GRIA4: variants seen among roughly 807,000 people sequenced by gnomAD.
The protein encoded by GRIA4 is glutamate receptor 4.
A neutral mutation model predicts 104.0 loss-of-function variants in GRIA4; 34 were observed. The observed-to-expected ratio is 0.33, with a 90% CI of 0.25 to 0.44. The LOEUF (loss-of-function observed/expected upper bound fraction) is 0.44. GRIA4 is among the 20% of genes least tolerant of loss of function. The pLI, the probability that GRIA4 is intolerant of heterozygous loss-of-function variation, is 1.00. For missense variants in GRIA4, 750 were observed against 1,096.5 expected, an observed-to-expected ratio of 0.68 and a Z score of 4.46; for synonymous variants, 386 against 381.9, an observed-to-expected ratio of 1.01 and a Z score of -0.13.
chr11:105,766,758 T>G (rs776189374), intron 4 of GRIA4, among the ~76,000 whole-genome samples: 2 of 152,056 alleles, frequency 1.3e-5, no homozygotes, highest in Non-Finnish European at 2.9e-5. Context: ...AAAATCAAAG[T>G]TCTTATGATG....
At chr11:105,921,078 A>AT (rs1023626500) in intron 11 of GRIA4, among the ~76,000 whole-genome samples, 1 of 152,060 alleles carries the variant, frequency 6.6e-6, no homozygotes, top group Non-Finnish European at 1.5e-5. Context: ...GATTCACTAT[A>AT]TTTTTTTACT....
intron 3 of GRIA4, among the ~76,000 whole-genome samples, chr11:105,622,819 T>C (rs1421854564): frequency 6.6e-6 from 1 of 151,754 alleles, no homozygotes; most frequent in Non-Finnish European, 1.5e-5. Context: ...AAGTAATTTA[T>C]CATCATCCAC....
At chr11:105,848,244 G>A (rs928713777) in intron 4 of GRIA4, among the ~76,000 whole-genome samples, 2 of 152,070 alleles carry the variant, frequency 1.3e-5, no homozygotes, top group Non-Finnish European at 2.9e-5. Flanking sequence ...GGGACAGCAG[G>A]CAGCACTTTT....
At chr11:105,638,432 A>C (rs1226462968) in intron 3 of GRIA4, among the ~76,000 whole-genome samples, 1 of 152,136 alleles carries the variant, frequency 6.6e-6, no homozygotes, top group Non-Finnish European at 1.5e-5. Context: ...TTATTCCGTA[A>C]GTAATACGTA....
At chr11:105,761,029 T>C (rs1442858915) in intron 4 of GRIA4, among the ~76,000 whole-genome samples, 1 of 152,174 alleles carries the variant, frequency 6.6e-6, no homozygotes, top group African/African-American at 2.4e-5. Flanking sequence ...CGCATTTTTA[T>C]TAAATTTCTG....
At chr11:105,782,364 C>T (rs1363310798) in intron 4 of GRIA4, among the ~76,000 whole-genome samples, 2 of 152,168 alleles carry the variant, frequency 1.3e-5, no homozygotes, top group East Asian at 1.9e-4. Flanking sequence ...AAGAAATCCT[C>T]AGCTTCTCTG....
intron 4 of GRIA4, among the ~76,000 whole-genome samples, chr11:105,839,344 G>T (rs1463794260): frequency 6.6e-6 from 1 of 151,742 alleles, no homozygotes; most frequent in Non-Finnish European, 1.5e-5. Context: ...TTCTTTGCAT[G>T]TCTAAATCCC....
At chr11:105,720,417 A>T (rs1027318761) in intron 3 of GRIA4, among the ~76,000 whole-genome samples, 8 of 152,122 alleles carry the variant, frequency 5.3e-5, no homozygotes. Context: ...TGTATCTGTG[A>T]TTCTATCCAA....
intron 4 of GRIA4, among the ~76,000 whole-genome samples, chr11:105,861,217 T>A (rs1341176296): frequency 6.6e-6 from 1 of 152,154 alleles, no homozygotes; most frequent in African/African-American, 2.4e-5. Flanking sequence ...GCATCAGTCT[T>A]GCACGCTCCT....
rs1233913010 is a variant in GRIA4 at position 105,683,130 on chromosome 11, T to A, written c.248-69851T>A. ...AACATTTAAGATGGAGTATAAGGAATAAAAATTCCATGATTTTTCTCTGTA... is the reference window on the plus strand; with the variant it reads ...AACATTTAAGATGGAGTATAAGGAAAAAAAATTCCATGATTTTTCTCTGTA... On this transcript the variant is annotated intron_variant, in intron 3 of 16. Coordinates refer to ENST00000282499, the MANE Select transcript of GRIA4 (RefSeq NM_000829.4). Among the ~76,000 whole-genome samples the A allele has an allele frequency of 2.0e-5, 3 of 152,156 alleles. No homozygotes were observed. The East Asian group carries it at 5.8e-4, about 29-fold the overall frequency.
chr11:105,838,538 T>C (rs950743485), intron 4 of GRIA4, among the ~76,000 whole-genome samples: 1 of 152,218 alleles, frequency 6.6e-6, no homozygotes, highest in Non-Finnish European at 1.5e-5. Context: ...AAATTGCTCT[T>C]ATTTCCTTTG....
chr11:105,630,526 T>C (rs1391745582), intron 3 of GRIA4, among the ~76,000 whole-genome samples: 1 of 152,064 alleles, frequency 6.6e-6, no homozygotes, highest in African/African-American at 2.4e-5. Context: ...ATCACGCCGC[T>C]GCATCCCAGC....
chr11:105,818,273 A>G (rs918268465), intron 4 of GRIA4, among the ~76,000 whole-genome samples: 11 of 152,072 alleles, frequency 7.2e-5, no homozygotes, highest in African/African-American at 2.7e-4. Context: ...CCACCCTCAT[A>G]TGCAAATGTC....
At chr11:105,746,105 T>C (rs897642626) in intron 3 of GRIA4, among the ~76,000 whole-genome samples, 1 of 151,998 alleles carries the variant, frequency 6.6e-6, no homozygotes, top group Non-Finnish European at 1.5e-5. Context: ...ATAATAATTA[T>C]ATATGTGTGT....
At chr11:105,912,477 C>CAA (rs550991472) in intron 10 of GRIA4, 546 of 759,190 alleles carry the variant, frequency 7.2e-4, no homozygotes, top group Middle Eastern at 2.7e-3. Flanking sequence ...AGCATGCTAT[C>CAA]AAAAAAAAAA....
At chr11:105,692,317 C>T (rs1953119461) in intron 3 of GRIA4, among the ~76,000 whole-genome samples, 1 of 151,722 alleles carries the variant, frequency 6.6e-6, no homozygotes, top group Non-Finnish European at 1.5e-5. Context: ...CCATAGCAAA[C>T]ATTATTATTT....
chr11:105,721,076 A>G (rs903630624), intron 3 of GRIA4, among the ~76,000 whole-genome samples: 78 of 152,158 alleles, frequency 5.1e-4, no homozygotes, highest in African/African-American at 1.8e-3. Flanking sequence ...TTGTTCCTAT[A>G]TTGTGGCTTG....
chr11:105,673,545 C>G (rs371474432), intron 3 of GRIA4, among the ~76,000 whole-genome samples: 4 of 152,156 alleles, frequency 2.6e-5, no homozygotes, highest in East Asian at 1.9e-4. Flanking sequence ...AGATTTTTCT[C>G]TCTCTCAATT....
intron 3 of GRIA4, among the ~76,000 whole-genome samples, chr11:105,725,707 T>C (rs769719967): frequency 1.6e-4 from 24 of 152,002 alleles, no homozygotes; most frequent in Non-Finnish European, 2.2e-4. Flanking sequence ...GTTCATCTCA[T>C]TGGGACTAAT....
Sources: allele counts gnomAD v4.1 joint callset (sites outside exome capture counted in the v4.1 genomes callset), GRCh38; gene constraint gnomAD v4.1.1; transcripts MANE v1.5; gene names NCBI Gene and HGNC (gene_info 2026-07-23, HGNC 2026-07-21).